UGT1A10: variants seen among roughly 807,000 people sequenced by gnomAD.
UGT1A10 encodes the protein UDP-glucuronosyltransferase 1A10.
Under a neutral mutation model 45.8 loss-of-function variants are expected in UGT1A10, and 49 were observed. The ratio of observed to expected loss-of-function variants is 1.07; its 90% CI spans 0.85 to 1.36. The LOEUF is 1.36. Among genes scored for constraint, UGT1A10 ranks in the 40% most tolerant of loss-of-function variants. The pLI is 0.00. For missense variants in UGT1A10, 745 were observed against 668.6 expected, an observed-to-expected ratio of 1.11 and a Z score of -1.26; for synonymous variants, 284 against 249.7, an observed-to-expected ratio of 1.14 and a Z score of -1.29.
intron 1 of UGT1A10, chr2:233,748,062 A>G (rs531373066): frequency 3.5e-4 from 569 of 1,613,430 alleles, no homozygotes; most frequent in Admixed American, 9.3e-4. Context: ...CTGTGCCAAC[A>G]GGAAGCCACT....
intron 1 of UGT1A10, among the ~76,000 whole-genome samples, chr2:233,663,942 T>G (rs2074025895): frequency 6.6e-6 from 1 of 152,196 alleles, no homozygotes; most frequent in South Asian, 2.1e-4. Flanking sequence ...TTTAAGTCAT[T>G]TCTTTGTCCT....
chr2:233,755,294 G>A, intron 1 of UGT1A10: 1 of 630,960 alleles, frequency 1.6e-6, no homozygotes. Flanking sequence ...GAGCCTGCGG[G>A]GCACTGGCAC....
chr2:233,739,050 C>G (rs958760691), intron 1 of UGT1A10: 3 of 152,246 alleles, frequency 2.0e-5, no homozygotes, highest in African/African-American at 7.2e-5. Flanking sequence ...AGAGCTCAGG[C>G]CATTGCTTCA....
intron 1 of UGT1A10, among the ~76,000 whole-genome samples, chr2:233,717,089 A>C (rs570408978): frequency 1.1e-4 from 16 of 152,286 alleles, no homozygotes; most frequent in South Asian, 2.1e-4. Flanking sequence ...AAATCAGATG[A>C]CATCACTATC....
intron 1 of UGT1A10, among the ~76,000 whole-genome samples, chr2:233,731,881 A>AC (rs1345442477): frequency 6.6e-6 from 1 of 152,198 alleles, no homozygotes; most frequent in Non-Finnish European, 1.5e-5. Flanking sequence ...CAATGGTTGA[A>AC]CTAATTTACA....
chr2:233,645,023 G>A (rs1016409782), intron 1 of UGT1A10, among the ~76,000 whole-genome samples: 3 of 152,174 alleles, frequency 2.0e-5, no homozygotes, highest in Non-Finnish European at 4.4e-5. Context: ...GGGTTTGGGA[G>A]CAGGTAGACC....
At chr2:233,682,929 A>G (rs925012873) in intron 1 of UGT1A10, 2 of 1,456,056 alleles carry the variant, frequency 1.4e-6, no homozygotes, top group African/African-American at 2.8e-5. Context: ...TTTTGTACCA[A>G]TTCACTTAAT....
In UGT1A10 at chr2:233,751,441, T is replaced by C. The variant is rs573707863; in HGVS notation, c.856-15593T>C. Among the ~76,000 whole-genome samples the C allele has an allele frequency of 5.9e-5, 9 of 152,232 alleles. No homozygotes were observed. In the East Asian group the frequency reaches 7.7e-4, roughly 13 times the overall value. On this transcript the variant is annotated intron_variant, in intron 1 of 4. Transcript: ENST00000344644. Reference sequence around the variant, plus strand: ...GCTAGTGCTGAAATGAGTTAAGACTTTGGAAGATTGTTGGGAAGGCACGAT... The same window carrying C: ...GCTAGTGCTGAAATGAGTTAAGACTCTGGAAGATTGTTGGGAAGGCACGAT...
intron 1 of UGT1A10, chr2:233,649,053 A>G: frequency 1.0e-6 from 1 of 985,842 alleles, no homozygotes; most frequent in Non-Finnish European, 1.4e-6. Flanking sequence ...TTAGCACATT[A>G]AAAGTATTCT....
intron 1 of UGT1A10, chr2:233,713,838 A>G (rs919092029): frequency 6.2e-7 from 1 of 1,613,974 alleles, no homozygotes. Context: ...CAACTGTGCC[A>G]ACGGGAAGCC....
At chr2:233,726,524 T>C (rs1232953438) in intron 1 of UGT1A10, among the ~76,000 whole-genome samples, 1 of 152,258 alleles carries the variant, frequency 6.6e-6, no homozygotes, top group East Asian at 1.9e-4. Flanking sequence ...TTTTCCACTT[T>C]TAGGGAGATG....
intron 1 of UGT1A10, among the ~76,000 whole-genome samples, chr2:233,765,695 A>G (rs1698910486): frequency 6.9e-6 from 1 of 145,802 alleles, no homozygotes; most frequent in African/African-American, 2.7e-5. Flanking sequence ...CTTCAAGTAA[A>G]TAATAATAAT....
Position 233,714,266 on chromosome 2 carries a change from G to T in UGT1A10, c.856-52768G>T, listed in dbSNP as rs374255632. On this transcript the variant is annotated intron_variant, in intron 1 of 4. Transcript: ENST00000344644. Reference sequence around the variant, plus strand: ...GAGGAAGGAATAGAAATTTACAATTGTTGACGTGACAATTTTTAGTGGTCC... The same window carrying T: ...GAGGAAGGAATAGAAATTTACAATTTTTGACGTGACAATTTTTAGTGGTCC... Among the ~76,000 whole-genome samples the T allele has an allele frequency of 7.9e-5, 12 of 152,326 alleles. No homozygotes were observed. In the East Asian group the frequency reaches 2.3e-3, roughly 29 times the overall value.
At chr2:233,679,924 T>C (rs1292357581) in intron 1 of UGT1A10, among the ~76,000 whole-genome samples, 1 of 152,168 alleles carries the variant, frequency 6.6e-6, no homozygotes, top group African/African-American at 2.4e-5. Context: ...GAGACAAAAA[T>C]GTATTTCACA....
intron 1 of UGT1A10, among the ~76,000 whole-genome samples, chr2:233,717,273 A>G (rs3806593): frequency 0.1 from 15,402 of 152,148 alleles, 886 homozygotes; most frequent in East Asian, 0.2. Context: ...ATAGTTGAGA[A>G]GCTGAGATGT....
Position 233,773,228 on chromosome 2 carries a change from T to C in UGT1A10, c.*669T>C, listed in dbSNP as rs570239690. The C allele has an allele frequency of 6.6e-6, 1 of 152,468 alleles. No homozygotes were observed. The highest frequency in any genetic ancestry group is 2.4e-5 in the African/African-American group (1 of 41,574). 9.4% of individuals were successfully genotyped at this position (152,468 alleles called of 1,614,324 possible). A position where few individuals can be genotyped will look rare whatever the true frequency, so the allele number is the denominator to read the frequency against. ...AAAAACCCAAAATACAGCTATGAAG[T>C]GCTGGGCAAGTTTACTTTTTTTCTG... On this transcript the variant is annotated 3_prime_UTR_variant, in exon 5 of 5. Coordinates refer to ENST00000344644, the MANE Select transcript of UGT1A10 (RefSeq NM_019075.4).
At chr2:233,680,001 TTTTC>T (rs2074470429) in intron 1 of UGT1A10, among the ~76,000 whole-genome samples, 2 of 152,198 alleles carry the variant, frequency 1.3e-5, no homozygotes, top group Non-Finnish European at 2.9e-5. Flanking sequence ...TTTTCTTCTC[TTTTC>T]TTTCTTTCTC....
At chr2:233,662,221 T>TAAAATAA in intron 1 of UGT1A10, among the ~76,000 whole-genome samples, 1 of 152,228 alleles carries the variant, frequency 6.6e-6, no homozygotes, top group Admixed American at 6.5e-5. Context: ...AAAATAGATT[T>TAAAATAA]GTGTCTATAA....
At chr2:233,764,368 C>T (rs546564495) in intron 1 of UGT1A10, among the ~76,000 whole-genome samples, 6 of 152,276 alleles carry the variant, frequency 3.9e-5, no homozygotes, top group Non-Finnish European at 8.8e-5. Context: ...TAGTAGCTGG[C>T]TCAGGTAGGA....
Sources: gnomAD v4.1 joint callset for allele counts (sites outside exome capture counted in the v4.1 genomes callset) on GRCh38, gnomAD v4.1.1 for gene constraint, MANE v1.5 for transcripts, NCBI Gene and HGNC (gene_info 2026-07-23, HGNC 2026-07-21) for gene names.